The following FBXO31 variants were observed in gnomAD, a reference collection of about 807,000 sequenced individuals.
The protein encoded by FBXO31 is F-box protein 31.
A neutral mutation model predicts 54.4 loss-of-function variants in FBXO31; 24 were observed. The observed-to-expected ratio is 0.44, with a 90% CI of 0.32 to 0.62. FBXO31 has a LOEUF of 0.62. Ranked by LOEUF, FBXO31 falls within the 20% of genes least tolerant of loss-of-function variation. FBXO31 has a pLI of 0.05. For synonymous variants in FBXO31, 388 were observed against 335.6 expected (o/e 1.16, Z -1.71); for missense variants, 665 against 787.1 (o/e 0.84, Z 1.86).
chr16:87,379,517 T>C (rs1411768246), intron 1 of FBXO31, among the ~76,000 whole-genome samples: 1 of 152,206 alleles, frequency 6.6e-6, no homozygotes, highest in Non-Finnish European at 1.5e-5. Context: ...AGGTTGTGTT[T>C]GCCCCAGGTT....
chr16:87,378,269 C>T lies in FBXO31; in HGVS notation c.340+5136G>A, dbSNP rs929056130. On this transcript the variant is annotated intron_variant, in intron 1 of 8. Transcript: ENST00000311635. ...AAATGAAAGATAAATAAAATAAATC[C>T]AAATGATCAATAAATATATTTTTTA... is the stretch of plus-strand genomic sequence containing the variant. 2.6e-5 allele frequency among the ~76,000 whole-genome samples: 4 copies of T among 151,780 alleles called. No individual in the cohort carries two copies. In the South Asian group the frequency reaches 8.3e-4, roughly 32 times the overall value.
At chr16:87,341,517 A>T (rs1905192717) in intron 5 of FBXO31, among the ~76,000 whole-genome samples, 1 of 152,048 alleles carries the variant, frequency 6.6e-6, no homozygotes, top group Non-Finnish European at 1.5e-5. Context: ...TTAGCCAGGC[A>T]TGGTGGCAGG....
chr16:87,339,004 T>G (rs1905114259), intron 5 of FBXO31, among the ~76,000 whole-genome samples: 4 of 152,220 alleles, frequency 2.6e-5, no homozygotes. Flanking sequence ...CTCTCTTTTT[T>G]TGCCTGCCGC....
intron 1 of FBXO31, among the ~76,000 whole-genome samples, chr16:87,380,006 A>G (rs987539174): frequency 1.6e-4 from 24 of 151,312 alleles, no homozygotes; most frequent in South Asian, 1.3e-3. Context: ...CCAAAAGAAA[A>G]AAAAAAAAAA....
At chr16:87,391,844 C>G (rs950743818), upstream of FBXO31, 2 of 152,444 alleles carry the variant, frequency 1.3e-5, no homozygotes, top group Non-Finnish European at 2.9e-5. Context: ...CGCGGCCTGC[C>G]CTGCGCGCCT....
chr16:87,331,202 T>TCA lies in FBXO31; in HGVS notation c.*85_*86insTG. 3 of 1,403,746 alleles carry TCA rather than the reference T, an allele frequency of 2.1e-6. No homozygotes were observed. Among genetic ancestry groups the TCA allele is most frequent in the South Asian group, 2.5e-5 (2 of 78,840 alleles). The allele number at this position is 1,403,746 out of a possible 1,614,324, so 87.0% of individuals were successfully genotyped here. ...TGTGCGTTCTGGTCAAAAGGCCGGA[T>TCA]TTCCAAAGTGCATGCTGCTTCTATT... On this transcript the variant is annotated 3_prime_UTR_variant, in exon 9 of 9. Coordinates refer to ENST00000311635, the MANE Select transcript of FBXO31 (RefSeq NM_024735.5).
intron 8 of FBXO31, among the ~76,000 whole-genome samples, chr16:87,332,746 A>G (rs189703): frequency 0.013 from 993 of 76,510 alleles, 13 homozygotes; most frequent in African/African-American, 0.039. Flanking sequence ...AACCCCCTCC[A>G]GGAGCTGGGC....
At chr16:87,354,471 A>AC (rs1242527594) in intron 2 of FBXO31, among the ~76,000 whole-genome samples, 1 of 151,716 alleles carries the variant, frequency 6.6e-6, no homozygotes. Flanking sequence ...CCTGTCTCAA[A>AC]AAAAAAAAAC....
At chr16:87,381,352 A>G (rs1907068402) in intron 1 of FBXO31, among the ~76,000 whole-genome samples, 1 of 152,234 alleles carries the variant, frequency 6.6e-6, no homozygotes, top group African/African-American at 2.4e-5. Flanking sequence ...ATAGCCAAGA[A>G]TCATCAACAC....
In FBXO31 at chr16:87,353,822, G is replaced by A. The variant is rs189831763; in HGVS notation, c.412+6473C>T. On this transcript the variant is annotated intron_variant, in intron 2 of 8. Coordinates refer to ENST00000311635, the MANE Select transcript of FBXO31 (RefSeq NM_024735.5). Reference sequence around the variant, plus strand: ...GCGGGAGCAGGGCCCCGGACACCTTGTCTTGAACCTCTGGCCTCCAGCCTG... The same window carrying A: ...GCGGGAGCAGGGCCCCGGACACCTTATCTTGAACCTCTGGCCTCCAGCCTG... Among the ~76,000 whole-genome samples the A allele has an allele frequency of 4.9e-3, 751 of 152,344 alleles. 20 individuals carry two copies. The highest frequency in any genetic ancestry group is 0.041 in the Admixed American group (631 of 15,272).
chr16:87,384,161 C>T (rs1057343640), upstream of FBXO31: 2 of 153,278 alleles, frequency 1.3e-5, no homozygotes, highest in Admixed American at 1.3e-4. Flanking sequence ...CCCGTGCGTC[C>T]CGCTTCCGGC....
At chr16:87,347,768 C>CCA (rs1157983945) in intron 2 of FBXO31, among the ~76,000 whole-genome samples, 1 of 152,024 alleles carries the variant, frequency 6.6e-6, no homozygotes, top group East Asian at 1.9e-4. Context: ...GATGAGCCTC[C>CCA]CATCAATGGG....
chr16:87,362,781 G>T (rs1004988411), intron 1 of FBXO31, among the ~76,000 whole-genome samples: 1 of 152,176 alleles, frequency 6.6e-6, no homozygotes, highest in Non-Finnish European at 1.5e-5. Flanking sequence ...GGCCAGGCTG[G>T]TCTCCAACTC....
intron 1 of FBXO31, among the ~76,000 whole-genome samples, chr16:87,372,554 T>C (rs1438989878): frequency 6.6e-6 from 1 of 152,068 alleles, no homozygotes; most frequent in Non-Finnish European, 1.5e-5. Flanking sequence ...ACAAGAATCA[T>C]GAAGCATTTC....
At chr16:87,348,636 C>T (rs540008709) in intron 2 of FBXO31, among the ~76,000 whole-genome samples, 9 of 152,290 alleles carry the variant, frequency 5.9e-5, no homozygotes, top group Non-Finnish European at 1.2e-4. Flanking sequence ...CAGAGGCAGC[C>T]GGCCCAGGCT....
At chr16:87,375,810 T>G (rs1472523634) in intron 1 of FBXO31, among the ~76,000 whole-genome samples, 2 of 152,062 alleles carry the variant, frequency 1.3e-5, no homozygotes, top group Non-Finnish European at 2.9e-5. Context: ...TGCCCCAACA[T>G]CAGAAGTACA....
chr16:87,328,728 G>A lies in FBXO31; in HGVS notation c.*2560C>T, dbSNP rs1254185084. Reference sequence around the variant, plus strand: ...GCACTGCAGGCAGCCCCACTCCAGAGAGCAGACTTGATCCTGCCCCAGAGT... The same window carrying A: ...GCACTGCAGGCAGCCCCACTCCAGAAAGCAGACTTGATCCTGCCCCAGAGT... On this transcript the variant is annotated 3_prime_UTR_variant, in exon 9 of 9. Coordinates refer to ENST00000311635, the MANE Select transcript of FBXO31 (RefSeq NM_024735.5). 2.0e-5 allele frequency: 3 copies of A among 152,384 alleles called. No homozygotes were observed. The highest frequency in any genetic ancestry group is 2.1e-4 in the South Asian group (1 of 4,832). 9.4% of individuals were successfully genotyped at this position (152,384 alleles called of 1,614,324 possible). A position where few individuals can be genotyped will look rare whatever the true frequency, so the allele number is the denominator to read the frequency against.
chr16:87,357,520 G>C (rs1197047243), intron 2 of FBXO31, among the ~76,000 whole-genome samples: 1 of 151,964 alleles, frequency 6.6e-6, no homozygotes, highest in Admixed American at 6.6e-5. Context: ...GTAGAGATGA[G>C]TTTCACCATG....
In FBXO31 at chr16:87,335,596, C is replaced by T. The variant is rs978767722; in HGVS notation, c.843-139G>A. 8.8e-6 allele frequency: 9 copies of T among 1,027,044 alleles called. No individual in the cohort carries two copies. The East Asian group carries it at 2.4e-4, about 27-fold the overall frequency. The allele number at this position is 1,027,044 out of a possible 1,614,324, so 63.6% of individuals were successfully genotyped here. A position where few individuals can be genotyped will look rare whatever the true frequency, so the allele number is the denominator to read the frequency against. On this transcript the variant is annotated intron_variant, in intron 6 of 8. Coordinates refer to ENST00000311635, the MANE Select transcript of FBXO31 (RefSeq NM_024735.5). The surrounding 1 kb of genome is among the most constrained non-coding windows in gnomAD (Gnocchi z 5.7). ...CAACCAGGGCCAGGTGTCCACCAGG[C>T]CTGTGGGCAGCAATGCGCCCAGGGG...
Sources: gnomAD v4.1 joint callset for allele counts (sites outside exome capture counted in the v4.1 genomes callset) on GRCh38, gnomAD v4.1.1 for gene constraint, Gnocchi (gnomAD v3.1) non-coding constraint, MANE v1.5 for transcripts, NCBI Gene and HGNC (gene_info 2026-07-23, HGNC 2026-07-21) for gene names.